The following NEO1 variants were observed in gnomAD, a reference collection of about 807,000 sequenced individuals.
The protein encoded by NEO1 is neogenin 1, also known as neogenin.
Under a neutral mutation model 159.7 loss-of-function variants are expected in NEO1, and 63 were observed. That is an observed-to-expected ratio of 0.39 (90% CI 0.32 to 0.49). The LOEUF (loss-of-function observed/expected upper bound fraction) is 0.49. NEO1 is among the 20% of genes least tolerant of loss of function. NEO1 has a pLI of 0.85. For synonymous variants in NEO1, 633 were observed against 662.0 expected (o/e 0.96, Z 0.67); for missense variants, 1,615 against 1,831.0 (o/e 0.88, Z 2.15).
chr15:73,093,012 G>C (rs1455074549), intron 1 of NEO1, among the ~76,000 whole-genome samples: 1 of 152,024 alleles, frequency 6.6e-6, no homozygotes, highest in Non-Finnish European at 1.5e-5. Context: ...GGCTCTCTTG[G>C]CTGTGATAGT....
intron 4 of NEO1, among the ~76,000 whole-genome samples, chr15:73,128,566 C>T (rs1409324139): frequency 6.6e-6 from 1 of 152,020 alleles, no homozygotes; most frequent in Non-Finnish European, 1.5e-5. Context: ...GAGTAGTGAA[C>T]CAAATGGAGT....
chr15:73,227,698 A>G (rs2038671363), intron 7 of NEO1, among the ~76,000 whole-genome samples: 1 of 152,202 alleles, frequency 6.6e-6, no homozygotes, highest in Non-Finnish European at 1.5e-5. Context: ...ACCTTTTCTC[A>G]AATAGATTTC....
At position 73,197,329 on chromosome 15, in the gene NEO1, A is replaced by T. The variant is rs550143899; in HGVS notation, c.1291+18902A>T. 2.0e-5 allele frequency among the ~76,000 whole-genome samples: 3 copies of T among 152,308 alleles called. No individual in the cohort carries two copies. The South Asian group carries it at 6.2e-4, about 32-fold the overall frequency. ...AGCTGAGATTGTGCCACTGCATTCC[A>T]GCCTGGGTGACAGAGCGAGACTCCA... On this transcript the variant is annotated intron_variant, in intron 7 of 28. Coordinates refer to ENST00000261908, the MANE Select transcript of NEO1 (RefSeq NM_002499.4).
At chr15:73,102,317 G>A (rs928543784) in intron 1 of NEO1, among the ~76,000 whole-genome samples, 1 of 152,026 alleles carries the variant, frequency 6.6e-6, no homozygotes, top group Non-Finnish European at 1.5e-5. Flanking sequence ...AGTGAGCCGA[G>A]ATCACGCCAC....
chr15:73,067,857 C>T (rs2068302739), intron 1 of NEO1, among the ~76,000 whole-genome samples: 1 of 152,056 alleles, frequency 6.6e-6, no homozygotes, highest in South Asian at 2.1e-4. Context: ...ACCTCGTGAT[C>T]CACCTGTTTC....
At chr15:73,178,245 A>G in intron 6 of NEO1, 62 bp from the exon 7 acceptor site, 2 of 1,472,478 alleles carry the variant, frequency 1.4e-6, no homozygotes, top group South Asian at 2.5e-5. Context: ...CATATTTTTG[A>G]GATTTTGATC....
chr15:73,259,098 A>T (rs2040497704), intron 14 of NEO1: 1 of 415,712 alleles, frequency 2.4e-6, no homozygotes, highest in African/African-American at 2.0e-5. Context: ...GCAAATAAAA[A>T]TGTGTATGTG....
chr15:73,093,692 A>G (rs1169354169), intron 1 of NEO1, among the ~76,000 whole-genome samples: 1 of 151,506 alleles, frequency 6.6e-6, no homozygotes, highest in East Asian at 1.9e-4. Context: ...TCCCACCTCA[A>G]CCTCCCAAGT....
chr15:73,289,410 A>G (rs1427822554), intron 25 of NEO1, among the ~76,000 whole-genome samples, 172 bp downstream of exon 25: 1 of 152,172 alleles, frequency 6.6e-6, no homozygotes, highest in Non-Finnish European at 1.5e-5. Flanking sequence ...TGCAACAAAC[A>G]TTATTCTTGA....
At chr15:73,241,002 T>C (rs189577130) in intron 8 of NEO1, among the ~76,000 whole-genome samples, 2 of 152,340 alleles carry the variant, frequency 1.3e-5, no homozygotes, top group Admixed American at 6.5e-5. Context: ...AAGAATTCAA[T>C]GTGAGAATGT....
intron 4 of NEO1, among the ~76,000 whole-genome samples, chr15:73,128,743 G>A (rs2030679472): frequency 6.6e-6 from 1 of 152,198 alleles, no homozygotes; most frequent in South Asian, 2.1e-4. Flanking sequence ...TTAGATAATT[G>A]TTCTTTTAGT....
chr15:73,269,273 C>A (rs1358414499), intron 16 of NEO1, among the ~76,000 whole-genome samples: 17 of 152,194 alleles, frequency 1.1e-4, no homozygotes, highest in Admixed American at 1.1e-3. Context: ...TCACTGAAAT[C>A]TCAAACCATG....
At chr15:73,135,108 A>G (rs941237418) in intron 4 of NEO1, among the ~76,000 whole-genome samples, 1 of 152,118 alleles carries the variant, frequency 6.6e-6, no homozygotes, top group East Asian at 1.9e-4. Flanking sequence ...AGGTACCTTT[A>G]TATGTCTGAT....
At chr15:73,053,352 G>A (rs924117137) in intron 1 of NEO1, among the ~76,000 whole-genome samples, 6 of 152,288 alleles carry the variant, frequency 3.9e-5, no homozygotes, top group Middle Eastern at 3.4e-3. Context: ...GGGGGTGTCA[G>A]AGGGGCACAA....
At position 73,269,996 on chromosome 15, in the gene NEO1, T is replaced by G. The variant is rs2041100097; in HGVS notation, c.2495-14T>G. On this transcript the variant is annotated splice_polypyrimidine_tract_variant and intron_variant, in intron 16 of 28. Coordinates refer to ENST00000261908, the MANE Select transcript of NEO1 (RefSeq NM_002499.4). Reference sequence around the variant, plus strand: ...TAAAATGCCACTTCCCTTTTTAAATTATTTTCTGCTCAGACACTTCTGAAG... The same window carrying G: ...TAAAATGCCACTTCCCTTTTTAAATGATTTTCTGCTCAGACACTTCTGAAG... The G allele has an allele frequency of 6.3e-7, 1 of 1,599,334 alleles. No individual in the cohort carries two copies.
At chr15:73,170,021 C>G (rs2034849581) in intron 5 of NEO1, among the ~76,000 whole-genome samples, 1 of 151,876 alleles carries the variant, frequency 6.6e-6, no homozygotes, top group Non-Finnish European at 1.5e-5. Flanking sequence ...TAAAAATTTA[C>G]AAAGTAGTTC....
At chr15:73,218,415 T>C (rs1237329662) in intron 7 of NEO1, among the ~76,000 whole-genome samples, 1 of 152,020 alleles carries the variant, frequency 6.6e-6, no homozygotes, top group African/African-American at 2.4e-5. Flanking sequence ...TGCCCAGCTT[T>C]GGTATCAGGA....
intron 1 of NEO1, among the ~76,000 whole-genome samples, chr15:73,081,164 C>A (rs1191916386): frequency 1.3e-5 from 2 of 152,050 alleles, no homozygotes; most frequent in African/African-American, 4.8e-5. Flanking sequence ...GTAGATGTTT[C>A]ATCTCTCTCC....
intron 8 of NEO1, among the ~76,000 whole-genome samples, chr15:73,237,566 T>A (rs2039246432): frequency 6.6e-6 from 1 of 152,198 alleles, no homozygotes; most frequent in Non-Finnish European, 1.5e-5. Context: ...TTGATGTACA[T>A]TGTAGTTAAT....
Sources: allele counts gnomAD v4.1 joint callset (sites outside exome capture counted in the v4.1 genomes callset), GRCh38; gene constraint gnomAD v4.1.1; transcripts MANE v1.5; gene names NCBI Gene and HGNC (gene_info 2026-07-23, HGNC 2026-07-21).